Variants in DLGAP2 observed in about 807,000 individuals in gnomAD.
DLGAP2 encodes DLG associated protein 2.
A neutral mutation model predicts 100.3 loss-of-function variants in DLGAP2; 26 were observed. That is an observed-to-expected ratio of 0.26 (90% CI 0.19 to 0.36). The LOEUF is 0.36. Ranked by LOEUF, DLGAP2 falls within the 10% of genes least tolerant of loss-of-function variation. DLGAP2 has a pLI of 1.00. For synonymous variants in DLGAP2, 886 were observed against 630.1 expected, an observed-to-expected ratio of 1.41 and a Z score of -6.08; for missense variants, 1,858 against 1,453.2, an observed-to-expected ratio of 1.28 and a Z score of -4.53.
chr8:1,117,415 G>C (rs1445723085), intron 2 of DLGAP2, among the ~76,000 whole-genome samples: 1 of 152,222 alleles, frequency 6.6e-6, no homozygotes, highest in African/African-American at 2.4e-5. Flanking sequence ...TGGGTTATGG[G>C]TGATCAAGTG....
intron 3 of DLGAP2, among the ~76,000 whole-genome samples, chr8:1,349,212 A>G (rs1241395080): frequency 6.6e-6 from 1 of 151,052 alleles, no homozygotes; most frequent in East Asian, 2.0e-4. Context: ...ATTAAATATT[A>G]AAATGTGGTA....
At chr8:771,051 G>T (rs1272601436) in intron 1 of DLGAP2, among the ~76,000 whole-genome samples, 1 of 152,078 alleles carries the variant, frequency 6.6e-6, no homozygotes, top group African/African-American at 2.4e-5. Context: ...GTGCCTTCCA[G>T]CTCCATTTCT....
intron 6 of DLGAP2, among the ~76,000 whole-genome samples, chr8:1,594,881 C>T (rs559514329): frequency 6.6e-6 from 1 of 152,308 alleles, no homozygotes; most frequent in African/African-American, 2.4e-5. Flanking sequence ...CCCCTGGGCA[C>T]AGCCAATTCT....
chr8:1,255,640 ATCCTGCCCGGGCGCTGTGTGTGTGTCGTC>A (rs1799184924), intron 2 of DLGAP2, among the ~76,000 whole-genome samples: 1 of 95,930 alleles, frequency 1.0e-5, no homozygotes, highest in African/African-American at 4.8e-5. Flanking sequence ...GTGTGTCCTC[ATCCTGCCCGGGCGCTGTGTGTGTGTCGTC>A]TCCTGCCTGG....
chr8:802,109 C>T (rs1585879336), intron 1 of DLGAP2, among the ~76,000 whole-genome samples: 1 of 136,404 alleles, frequency 7.3e-6, no homozygotes, highest in African/African-American at 2.8e-5. Flanking sequence ...ATGGTCCACA[C>T]ACCTCCTGGG....
chr8:1,158,311 G>T (rs1796828847), intron 2 of DLGAP2, among the ~76,000 whole-genome samples: 1 of 152,212 alleles, frequency 6.6e-6, no homozygotes, highest in Non-Finnish European at 1.5e-5. Context: ...GTCATTATGT[G>T]CGTACATGTA....
At chr8:1,503,452 G>A (rs376095922) in intron 4 of DLGAP2, among the ~76,000 whole-genome samples, 58 of 152,146 alleles carry the variant, frequency 3.8e-4, no homozygotes, top group Admixed American at 1.9e-3. Flanking sequence ...TGTGTCACAC[G>A]CCCTTTCTGT....
chr8:875,961 C>T (rs1292660068), intron 1 of DLGAP2, among the ~76,000 whole-genome samples: 2 of 152,174 alleles, frequency 1.3e-5, no homozygotes, highest in African/African-American at 2.4e-5. Flanking sequence ...TATTACATCT[C>T]TTAATGTTGC....
chr8:1,339,206 G>A, intron 3 of DLGAP2, among the ~76,000 whole-genome samples: 1 of 149,520 alleles, frequency 6.7e-6, no homozygotes, highest in South Asian at 2.2e-4. Flanking sequence ...AGGGAAGGCA[G>A]TGACCTCAGT....
intron 2 of DLGAP2, among the ~76,000 whole-genome samples, chr8:930,987 G>T (rs897448507): frequency 6.6e-6 from 1 of 152,168 alleles, no homozygotes; most frequent in African/African-American, 2.4e-5. Flanking sequence ...CATTCTTCTG[G>T]GTTTCCTTAA....
At chr8:1,698,181 G>T (rs1355769562) in intron 14 of DLGAP2, among the ~76,000 whole-genome samples, 1 of 152,204 alleles carries the variant, frequency 6.6e-6, no homozygotes, top group East Asian at 1.9e-4. Context: ...AGATGCAATG[G>T]ATCCACAGGT....
intron 2 of DLGAP2, among the ~76,000 whole-genome samples, chr8:1,205,816 G>T (rs1462916185): frequency 1.3e-5 from 2 of 152,182 alleles, no homozygotes; most frequent in Non-Finnish European, 2.9e-5. Flanking sequence ...CAGTCCGCCT[G>T]AGTGAGAATA....
chr8:1,562,520 C>T (rs574612857), intron 5 of DLGAP2, among the ~76,000 whole-genome samples: 111 of 27,866 alleles, frequency 4.0e-3, no homozygotes, highest in Admixed American at 3.5e-3. Context: ...TTGGGGTGTC[C>T]GCGCCTCGTT....
chr8:1,389,723 T>C (rs1026358494), intron 3 of DLGAP2, among the ~76,000 whole-genome samples: 18 of 152,174 alleles, frequency 1.2e-4, no homozygotes, highest in African/African-American at 4.1e-4. Context: ...GACAGCTGTT[T>C]TCCAGACTTC....
At chr8:1,333,955 G>C (rs962665004) in intron 3 of DLGAP2, among the ~76,000 whole-genome samples, 27 of 152,348 alleles carry the variant, frequency 1.8e-4, no homozygotes, top group Non-Finnish European at 3.4e-4. Flanking sequence ...CGGTGGCACA[G>C]GGGCCAACAC....
intron 4 of DLGAP2, among the ~76,000 whole-genome samples, chr8:1,509,549 A>G (rs1800083613): frequency 6.6e-6 from 1 of 151,796 alleles, no homozygotes; most frequent in African/African-American, 2.4e-5. Flanking sequence ...AGAGAAAGGA[A>G]GTCGCTTTTG....
chr8:873,101 C>A (rs147075765), intron 1 of DLGAP2, among the ~76,000 whole-genome samples: 2 of 152,154 alleles, frequency 1.3e-5, no homozygotes, highest in Admixed American at 6.6e-5. Context: ...TACTTTAAAT[C>A]ATCTCTAGAT....
intron 2 of DLGAP2, among the ~76,000 whole-genome samples, chr8:1,210,461 T>C (rs977670230): frequency 3.9e-5 from 6 of 152,048 alleles, no homozygotes; most frequent in African/African-American, 7.2e-5. Context: ...CAGGAGTGTG[T>C]GGGGGGAAGG....
intron 4 of DLGAP2, among the ~76,000 whole-genome samples, chr8:1,509,851 T>C (rs967096131): frequency 2.6e-5 from 4 of 152,226 alleles, no homozygotes; most frequent in Non-Finnish European, 1.5e-5. Context: ...TCATTGCTCA[T>C]ACGCTGTGAC....
Sources: allele counts gnomAD v4.1 joint callset (sites outside exome capture counted in the v4.1 genomes callset), GRCh38; gene constraint gnomAD v4.1.1; transcripts MANE v1.5; gene names NCBI Gene and HGNC (gene_info 2026-07-23, HGNC 2026-07-21).